ITGA8: variants seen among roughly 807,000 people sequenced by gnomAD.
ITGA8 encodes integrin subunit alpha 8.
Under a neutral mutation model 142.3 loss-of-function variants are expected in ITGA8, and 91 were observed. The ratio of observed to expected loss-of-function variants is 0.64; its 90% CI spans 0.54 to 0.76. The LOEUF (loss-of-function observed/expected upper bound fraction) is 0.76, where lower values mean the gene tolerates loss of function less well. ITGA8 is among the 30% of genes least tolerant of loss of function. The probability of loss-of-function intolerance (pLI) is 0.00; values close to 1 mark genes in which losing one functional copy is unlikely to be tolerated. For missense variants in ITGA8, 1,406 were observed against 1,327.7 expected, an observed-to-expected ratio of 1.06 and a Z score of -0.92; for synonymous variants, 505 against 485.2, an observed-to-expected ratio of 1.04 and a Z score of -0.54.
At chr10:15,565,510 C>A (rs554528245) in intron 25 of ITGA8, among the ~76,000 whole-genome samples, 1 of 148,598 alleles carries the variant, frequency 6.7e-6, no homozygotes, top group Non-Finnish European at 1.5e-5. Flanking sequence ...AAAATGATTC[C>A]ACAAAGAAAT....
At chr10:15,681,198 T>C (rs1834730360) in intron 4 of ITGA8, among the ~76,000 whole-genome samples, 1 of 152,202 alleles carries the variant, frequency 6.6e-6, no homozygotes, top group Non-Finnish European at 1.5e-5. Flanking sequence ...CTTTAAATTC[T>C]CTTTTGAAAA....
chr10:15,660,430 C>T (rs200081973), intron 9 of ITGA8, among the ~76,000 whole-genome samples: 27 of 152,146 alleles, frequency 1.8e-4, no homozygotes, highest in Non-Finnish European at 2.9e-4. Context: ...CAGCATGAAT[C>T]GGGAGGAAGA....
chr10:15,593,335 C>G (rs960373205), intron 21 of ITGA8, among the ~76,000 whole-genome samples: 9 of 152,154 alleles, frequency 5.9e-5, no homozygotes, highest in African/African-American at 2.2e-4. Context: ...GTTACTTACT[C>G]TTCCAAGCAC....
intron 21 of ITGA8, 72 bp from the exon 22 acceptor site, chr10:15,592,376 C>A: frequency 3.6e-6 from 4 of 1,099,570 alleles, no homozygotes; most frequent in Admixed American, 4.0e-5. Flanking sequence ...GTCATTCCTG[C>A]AAAACCCCAC....
At chr10:15,693,450 T>C (rs1426888822) in intron 2 of ITGA8, among the ~76,000 whole-genome samples, 1 of 152,162 alleles carries the variant, frequency 6.6e-6, no homozygotes, top group African/African-American at 2.4e-5. Flanking sequence ...TAGTAGAAAA[T>C]CATGAATTTC....
intron 6 of ITGA8, among the ~76,000 whole-genome samples, chr10:15,676,701 T>A (rs1834637389): frequency 1.3e-5 from 2 of 152,304 alleles, no homozygotes; most frequent in Admixed American, 6.5e-5. Flanking sequence ...AAGAGTATTT[T>A]AAAATATTAT....
At chr10:15,716,848 G>T (rs1222244277) in intron 2 of ITGA8, among the ~76,000 whole-genome samples, 1 of 152,004 alleles carries the variant, frequency 6.6e-6, no homozygotes, top group Admixed American at 6.6e-5. Context: ...TTTTAGTAGA[G>T]ATGGGGTTTC....
rs528248828 is a variant in ITGA8 at position 15,532,957 on chromosome 10, G to A, written c.2881-1806C>T. On this transcript the variant is annotated intron_variant, in intron 27 of 29. Coordinates refer to ENST00000378076, the MANE Select transcript of ITGA8 (RefSeq NM_003638.3). ...AGAGGAAACACTACATAATGGTGTG[G>A]GACCTGGCATCTCTTCCCAGCTCTG... Among the ~76,000 whole-genome samples the A allele has an allele frequency of 1.1e-4, 16 of 152,226 alleles. 1 individual carries two copies. The South Asian group carries it at 3.3e-3, about 32-fold the overall frequency.
chr10:15,683,731 C>T (rs1383012590), intron 4 of ITGA8, among the ~76,000 whole-genome samples: 5 of 152,240 alleles, frequency 3.3e-5, no homozygotes, highest in South Asian at 2.1e-4. Flanking sequence ...CAGCAACTGA[C>T]ACCTTATGGC....
rs527530021 is a variant in ITGA8 at position 15,591,083 on chromosome 10, G to A, written c.2291+1142C>T. Among the ~76,000 whole-genome samples the A allele has an allele frequency of 7.9e-5, 12 of 152,158 alleles. No homozygotes were observed. In the East Asian group the frequency reaches 2.3e-3, roughly 29 times the overall value. ...CTATTTAAAAATTAATCCATTGCAT[G>A]GAGTCATTATTCTAAAAGTTATCAC... On this transcript the variant is annotated intron_variant, in intron 22 of 29. Coordinates refer to ENST00000378076, the MANE Select transcript of ITGA8 (RefSeq NM_003638.3).
intron 27 of ITGA8, among the ~76,000 whole-genome samples, chr10:15,546,851 T>G (rs1357994497): frequency 5.4e-5 from 7 of 130,518 alleles, no homozygotes; most frequent in Admixed American, 1.6e-4. Context: ...GGAAGGGAAA[T>G]GAGGGGAAGG....
intron 13 of ITGA8, among the ~76,000 whole-genome samples, chr10:15,643,372 C>T (rs980871745): frequency 4.6e-5 from 7 of 152,170 alleles, no homozygotes; most frequent in East Asian, 3.9e-4. Context: ...CTCCGCCTCC[C>T]GGGTTCAGGT....
intron 28 of ITGA8, among the ~76,000 whole-genome samples, chr10:15,528,506 CTTT>C (rs35960573): frequency 3.9e-3 from 490 of 127,218 alleles, no homozygotes; most frequent in African/African-American, 9.2e-3. Flanking sequence ...GATAAAAAGT[CTTT>C]TTTTTTTTTT....
chr10:15,586,543 C>G, intron 23 of ITGA8, 41 bp downstream of exon 23: 1 of 1,153,722 alleles, frequency 8.7e-7, no homozygotes, highest in Non-Finnish European at 1.3e-6. Context: ...CTTAACTCTA[C>G]ATACAGAAGG....
At chr10:15,560,039 G>A (rs1833947265) in intron 25 of ITGA8, among the ~76,000 whole-genome samples, 1 of 152,084 alleles carries the variant, frequency 6.6e-6, no homozygotes, top group Non-Finnish European at 1.5e-5. Flanking sequence ...CACCACTTTG[G>A]GAGGCCGAGT....
chr10:15,586,805 C>A (rs137884078), intron 22 of ITGA8, 141 bp from the exon 23 acceptor site: 6,530 of 550,108 alleles, frequency 0.012, 62 homozygotes, highest in Middle Eastern at 0.02. Flanking sequence ...ATTCATTCTC[C>A]AAAATCGTAA....
rs147826228 is a variant in ITGA8, at chr10:15,574,714, T to TATATA, written c.2478+774_2478+775insTATAT. Among the ~76,000 whole-genome samples, 26 of 149,472 alleles carry TATATA rather than the reference T, an allele frequency of 1.7e-4. No homozygotes were observed. The East Asian group carries it at 2.2e-3, about 12-fold the overall frequency. ...GCTTTTATATATATGTATATATATA[T>TATATA]TTTTTTTTTAGCACAATAATGAATA... On this transcript the variant is annotated intron_variant, in intron 24 of 29. Transcript: ENST00000378076.
At chr10:15,648,392 T>C (rs1327585626) in intron 11 of ITGA8, among the ~76,000 whole-genome samples, 2 of 151,028 alleles carry the variant, frequency 1.3e-5, no homozygotes, top group African/African-American at 4.9e-5. Flanking sequence ...AATTGAGTTA[T>C]AATATTCATG....
chr10:15,670,501 A>C (rs1215193040), intron 8 of ITGA8, among the ~76,000 whole-genome samples: 1 of 152,204 alleles, frequency 6.6e-6, no homozygotes, highest in African/African-American at 2.4e-5. Context: ...TTCCGGTATG[A>C]ATCTATTACG....
Sources: gnomAD v4.1 joint callset for allele counts (sites outside exome capture counted in the v4.1 genomes callset) on GRCh38, gnomAD v4.1.1 for gene constraint, MANE v1.5 for transcripts, NCBI Gene and HGNC (gene_info 2026-07-23, HGNC 2026-07-21) for gene names.